IL1RAPL2: variants seen among roughly 807,000 people sequenced by gnomAD.
IL1RAPL2 encodes interleukin 1 receptor accessory protein like 2.
Under a neutral mutation model 44.1 loss-of-function variants are expected in IL1RAPL2, and 3 were observed. That is an observed-to-expected ratio of 0.07 (90% CI 0.03 to 0.18). The LOEUF is 0.18. Among genes scored for constraint, IL1RAPL2 ranks in the 10% least tolerant of loss-of-function variants. IL1RAPL2 has a pLI of 1.00. For synonymous variants in IL1RAPL2, 181 were observed against 178.8 expected, an observed-to-expected ratio of 1.01 and a Z score of -0.10; for missense variants, 391 against 496.4, an observed-to-expected ratio of 0.79 and a Z score of 2.02.
rs1263613900 is a variant in IL1RAPL2 at position 105,740,543 on chromosome X, C to T, written c.903-3C>T. Reference sequence around the variant, plus strand: ...TCAGCCAAGAATACCGTCTTTATTTCAGGCTTCTCAAAGAGCATCTTGGAG... The same window carrying T: ...TCAGCCAAGAATACCGTCTTTATTTTAGGCTTCTCAAAGAGCATCTTGGAG... On this transcript the variant is annotated splice_region_variant and splice_polypyrimidine_tract_variant and intron_variant, in intron 7 of 10. Coordinates refer to ENST00000372582, the MANE Select transcript of IL1RAPL2 (RefSeq NM_017416.2). The T allele has an allele frequency of 5.8e-6, 7 of 1,206,263 alleles. No individual in the cohort carries two copies. The Admixed American group carries it at 8.8e-5, about 15-fold the overall frequency.
At chrX:105,144,981 A>G (rs1296357936) in intron 2 of IL1RAPL2, among the ~76,000 whole-genome samples, 1 of 111,344 alleles carries the variant, frequency 9.0e-6, no homozygotes, top group Non-Finnish European at 1.9e-5. Context: ...GAGCTTCTCT[A>G]AAGGCAAGGA....
intron 2 of IL1RAPL2, among the ~76,000 whole-genome samples, chrX:105,078,701 G>A (rs1351590261): frequency 6.0e-5 from 6 of 99,368 alleles, no homozygotes; most frequent in South Asian, 1.0e-3. Context: ...CTTCCTGGCC[G>A]CTTTGTTTAC....
chrX:104,907,977 T>G, intron 2 of IL1RAPL2, among the ~76,000 whole-genome samples: 1 of 110,284 alleles, frequency 9.1e-6, no homozygotes, highest in Non-Finnish European at 1.9e-5. Context: ...CTTTATGAAT[T>G]TGGGTGCTCC....
chrX:105,553,257 T>A lies in IL1RAPL2; in HGVS notation c.772+68870T>A, dbSNP rs765414425. On this transcript the variant is annotated intron_variant, in intron 6 of 10. Transcript: ENST00000372582. ...TGAGTGACTGCATGTTTCAGGAGTT[T>A]CTTTGTGATTAGTTGGCAGCGGCTT... 5.4e-5 allele frequency among the ~76,000 whole-genome samples: 6 copies of A among 111,968 alleles called. No individual in the cohort carries two copies. In the South Asian group the frequency reaches 2.2e-3, roughly 42 times the overall value.
Position 105,643,228 on chromosome X carries a change from A to G in IL1RAPL2, c.773-74139A>G, listed in dbSNP as rs751760474. On this transcript the variant is annotated intron_variant, in intron 6 of 10. Coordinates refer to ENST00000372582, the MANE Select transcript of IL1RAPL2 (RefSeq NM_017416.2). ...AACGGTGATGGTGTGTACAAAGTTGAAAGTTGAAAATTGTATACAGAGAGC... is the reference window on the plus strand; with the variant it reads ...AACGGTGATGGTGTGTACAAAGTTGGAAGTTGAAAATTGTATACAGAGAGC... 2.2e-4 allele frequency among the ~76,000 whole-genome samples: 25 copies of G among 111,946 alleles called. No individual in the cohort carries two copies. In the South Asian group the frequency reaches 8.8e-3, roughly 39 times the overall value.
chrX:105,172,007 G>C (rs1444517898), intron 2 of IL1RAPL2, among the ~76,000 whole-genome samples: 1 of 112,469 alleles, frequency 8.9e-6, no homozygotes, highest in Non-Finnish European at 1.9e-5. Flanking sequence ...AGTGAGAAAA[G>C]AATCAGCTAT....
chrX:105,129,756 A>T (rs969037747), intron 2 of IL1RAPL2, among the ~76,000 whole-genome samples: 1 of 110,493 alleles, frequency 9.1e-6, no homozygotes, highest in African/African-American at 3.3e-5. Flanking sequence ...ATCCTTCTTG[A>T]CCTTTTTTGG....
At chrX:104,785,205 G>A (rs1393698540) in intron 2 of IL1RAPL2, among the ~76,000 whole-genome samples, 1 of 110,323 alleles carries the variant, frequency 9.1e-6, no homozygotes, top group Non-Finnish European at 1.9e-5. Context: ...GTAGAGACAC[G>A]GGATTTCTCT....
At chrX:105,599,822 A>G (rs763316362) in intron 6 of IL1RAPL2, among the ~76,000 whole-genome samples, 2 of 111,085 alleles carry the variant, frequency 1.8e-5, no homozygotes, top group East Asian at 5.6e-4. Flanking sequence ...GTTATAAACT[A>G]TGACATTGAG....
At chrX:105,297,316 T>C (rs1343609955) in intron 5 of IL1RAPL2, among the ~76,000 whole-genome samples, 3 of 112,148 alleles carry the variant, frequency 2.7e-5, no homozygotes, top group Non-Finnish European at 5.6e-5. Context: ...TGAAACCTTT[T>C]CAACGGAGTA....
intron 2 of IL1RAPL2, among the ~76,000 whole-genome samples, chrX:104,814,729 T>C (rs1414825016): frequency 8.9e-6 from 1 of 112,374 alleles, no homozygotes; most frequent in East Asian, 2.8e-4. Flanking sequence ...TCTATTTCTT[T>C]GTGTCAAATT....
chrX:105,307,027 A>G (rs1232826016), intron 5 of IL1RAPL2, among the ~76,000 whole-genome samples: 1 of 110,674 alleles, frequency 9.0e-6, no homozygotes, highest in Non-Finnish European at 1.9e-5. Context: ...TGCACATGCA[A>G]GAGAGAGAGG....
At chrX:104,664,190 T>C (rs181864204) in intron 2 of IL1RAPL2, among the ~76,000 whole-genome samples, 15 of 111,359 alleles carry the variant, frequency 1.3e-4, no homozygotes, top group African/African-American at 9.8e-5. Flanking sequence ...AATATCTTCT[T>C]CCATTATCAA....
Position 105,276,290 on chromosome X carries a change from C to A in IL1RAPL2, c.697+8749C>A, listed in dbSNP as rs1181172209. 2.7e-5 allele frequency among the ~76,000 whole-genome samples: 3 copies of A among 112,458 alleles called. No individual in the cohort carries two copies. The Admixed American group carries it at 2.8e-4, about 11-fold the overall frequency. ...AGGCGTGGTGGCGAATGCCTGTGGTCCCAGCTACTTGGGAGGCTGAGGCAG... is the reference window on the plus strand; with the variant it reads ...AGGCGTGGTGGCGAATGCCTGTGGTACCAGCTACTTGGGAGGCTGAGGCAG... On this transcript the variant is annotated intron_variant, in intron 5 of 10. Coordinates refer to ENST00000372582, the MANE Select transcript of IL1RAPL2 (RefSeq NM_017416.2).
chrX:105,645,007 T>C (rs2147840758), intron 6 of IL1RAPL2, among the ~76,000 whole-genome samples: 1 of 112,023 alleles, frequency 8.9e-6, no homozygotes, highest in East Asian at 2.8e-4. Context: ...CAGTCTATCA[T>C]TGATGGGCAT....
chrX:105,393,333 G>T (rs1209099273), intron 5 of IL1RAPL2, among the ~76,000 whole-genome samples: 1 of 111,014 alleles, frequency 9.0e-6, no homozygotes, highest in African/African-American at 3.3e-5. Flanking sequence ...TCATTTGCCA[G>T]AATGCAAAAG....
intron 3 of IL1RAPL2, among the ~76,000 whole-genome samples, chrX:105,228,132 A>T (rs1348478005): frequency 1.8e-5 from 2 of 112,216 alleles, no homozygotes; most frequent in African/African-American, 6.5e-5. Context: ...AATTGATGTT[A>T]TATGTAGCAA....
chrX:105,018,470 G>A (rs984936130), intron 2 of IL1RAPL2, among the ~76,000 whole-genome samples: 6 of 111,243 alleles, frequency 5.4e-5, no homozygotes, highest in African/African-American at 1.6e-4. Context: ...CTTACTTTGA[G>A]CAGTATTGTT....
chrX:105,023,291 G>T (rs995653512), intron 2 of IL1RAPL2, among the ~76,000 whole-genome samples: 1 of 110,266 alleles, frequency 9.1e-6, no homozygotes, highest in Admixed American at 9.7e-5. Context: ...TGAAACTTTC[G>T]AATCTTCTCT....
Sources: gnomAD v4.1 joint callset for allele counts (sites outside exome capture counted in the v4.1 genomes callset) on GRCh38, gnomAD v4.1.1 for gene constraint, MANE v1.5 for transcripts, NCBI Gene and HGNC (gene_info 2026-07-23, HGNC 2026-07-21) for gene names.